TBC1D1: variants seen among roughly 807,000 people sequenced by gnomAD.
TBC1D1 encodes the protein TBC1 domain family member 1.
A neutral mutation model predicts 125.6 loss-of-function variants in TBC1D1; 89 were observed. The ratio of observed to expected loss-of-function variants is 0.71; its 90% CI spans 0.60 to 0.85. The LOEUF (loss-of-function observed/expected upper bound fraction) is 0.85, where lower values mean the gene tolerates loss of function less well. Ranked by LOEUF, TBC1D1 falls within the 40% of genes least tolerant of loss-of-function variation. The probability of loss-of-function intolerance (pLI) is 0.00; values close to 1 mark genes in which losing one functional copy is unlikely to be tolerated. For synonymous variants in TBC1D1, 565 were observed against 564.1 expected (o/e 1.00, Z -0.02); for missense variants, 1,377 against 1,469.2 (o/e 0.94, Z 1.03).
In TBC1D1 at chr4:38,133,356, G is replaced by A. The variant is rs1765928348; in HGVS notation, c.3306+99G>A. 4 of 1,109,484 alleles carry A rather than the reference G, an allele frequency of 3.6e-6. No homozygotes were observed. In the Admixed American group the frequency reaches 6.8e-5, roughly 19 times the overall value. 68.7% of individuals were successfully genotyped at this position (1,109,484 alleles called of 1,614,324 possible). On this transcript the variant is annotated intron_variant, in intron 19 of 19. Transcript: ENST00000261439. The stretch of plus-strand genomic sequence containing the variant: ...CAGGCTGGGCTTTCCCATGACCAGA[G>A]GACCTTTCCCACCCTGATCTGTTTA...
At chr4:37,997,168 T>C (rs1737983721) in intron 2 of TBC1D1, among the ~76,000 whole-genome samples, 1 of 152,260 alleles carries the variant, frequency 6.6e-6, no homozygotes, top group African/African-American at 2.4e-5. Context: ...AAACTCAAGC[T>C]TGAACCATTA....
chr4:37,997,985 A>AT (rs1232226030), intron 2 of TBC1D1, among the ~76,000 whole-genome samples: 3 of 151,818 alleles, frequency 2.0e-5, no homozygotes, highest in South Asian at 2.1e-4. Flanking sequence ...GGATTTCTGG[A>AT]TTTTTTTTGG....
At chr4:38,107,299 T>C (rs529657173) in intron 15 of TBC1D1, among the ~76,000 whole-genome samples, 1 of 152,278 alleles carries the variant, frequency 6.6e-6, no homozygotes, top group South Asian at 2.1e-4. Flanking sequence ...ACTCCACCTG[T>C]TACCTCCCCC....
intron 2 of TBC1D1, among the ~76,000 whole-genome samples, chr4:37,974,987 G>A (rs1253265371): frequency 6.6e-6 from 1 of 152,228 alleles, no homozygotes; most frequent in African/African-American, 2.4e-5. Flanking sequence ...TTCCCCGTGT[G>A]CAGAGACGAG....
intron 2 of TBC1D1, among the ~76,000 whole-genome samples, chr4:37,970,399 C>A (rs768660536): frequency 2.0e-5 from 3 of 152,192 alleles, no homozygotes; most frequent in Non-Finnish European, 2.9e-5. Context: ...GCTCTGATTT[C>A]TGTCCTATCT....
Position 38,103,128 on chromosome 4 carries a change from C to T in TBC1D1, c.2528C>T (p.Ser843Phe), listed in dbSNP as rs1294218277. Residue 843 changes from serine (S) to phenylalanine (F), a missense_variant, in exon 15 of 20, where the codon TCC becomes TTC. By Grantham distance (155) the Ser-to-Phe change is radical. Coordinates refer to ENST00000261439, the MANE Select transcript of TBC1D1 (RefSeq NM_015173.4). ...AAAGAACTCTTAAAGCAGCTGACTT[C>T]CCAGCAGCATGCGATTCTTATTGAC... The T allele has an allele frequency of 6.2e-7, 1 of 1,612,998 alleles. No homozygotes were observed. Among genetic ancestry groups the T allele is most frequent in the Admixed American group, 1.7e-5 (1 of 59,800 alleles).
At chr4:37,986,526 A>G (rs1032917930) in intron 2 of TBC1D1, among the ~76,000 whole-genome samples, 8 of 151,770 alleles carry the variant, frequency 5.3e-5, no homozygotes, top group African/African-American at 1.5e-4. Context: ...GCTCACTGCA[A>G]CCTCTGCCTT....
chr4:38,123,940 T>G (rs1027611313), intron 17 of TBC1D1, among the ~76,000 whole-genome samples: 1 of 152,218 alleles, frequency 6.6e-6, no homozygotes, highest in Admixed American at 6.5e-5. Flanking sequence ...TGTTATCATA[T>G]TAACCATCTA....
chr4:38,030,661 GAA>G (rs1402887587), intron 7 of TBC1D1, among the ~76,000 whole-genome samples: 1 of 152,196 alleles, frequency 6.6e-6, no homozygotes, highest in Non-Finnish European at 1.5e-5. Flanking sequence ...AGGTTGTAAG[GAA>G]AAAGGTGGCT....
At chr4:38,081,747 T>C (rs1756604853) in intron 12 of TBC1D1, among the ~76,000 whole-genome samples, 1 of 152,138 alleles carries the variant, frequency 6.6e-6, no homozygotes, top group Non-Finnish European at 1.5e-5. Flanking sequence ...GTGGATGCTA[T>C]TATTATCGGT....
chr4:38,052,712 ACG>A (rs58267781), intron 11 of TBC1D1, among the ~76,000 whole-genome samples: 31,455 of 125,274 alleles, frequency 0.25, 3,849 homozygotes, highest in East Asian at 0.49. Context: ...ATACACACAC[ACG>A]CGCGCGCGCG....
chr4:37,947,155 T>G (rs958875715), intron 2 of TBC1D1, among the ~76,000 whole-genome samples: 2 of 152,134 alleles, frequency 1.3e-5, no homozygotes, highest in East Asian at 1.9e-4. Context: ...ATTCATTTAT[T>G]TATGTGTTTA....
intron 2 of TBC1D1, among the ~76,000 whole-genome samples, chr4:37,972,026 G>A (rs1212469001): frequency 2.0e-5 from 3 of 152,156 alleles, no homozygotes; most frequent in African/African-American, 7.2e-5. Context: ...CCAATCATCT[G>A]AGACCCTCTA....
intron 17 of TBC1D1, among the ~76,000 whole-genome samples, chr4:38,124,474 C>G (rs1764330661): frequency 6.6e-6 from 1 of 152,152 alleles, no homozygotes; most frequent in Non-Finnish European, 1.5e-5. Flanking sequence ...TTGTATTTAA[C>G]AAAGTACTTC....
intron 15 of TBC1D1, chr4:38,110,100 C>A: frequency 1.7e-6 from 1 of 585,690 alleles, no homozygotes; most frequent in Non-Finnish European, 2.1e-6. Context: ...GTGTTTGCTG[C>A]AAGAGACCTC....
intron 2 of TBC1D1, among the ~76,000 whole-genome samples, chr4:37,959,090 C>T (rs754305400): frequency 6.6e-6 from 1 of 152,190 alleles, no homozygotes; most frequent in Admixed American, 6.5e-5. Flanking sequence ...TCTAATGATA[C>T]CTTTGAATGG....
rs1356251506 is a variant in TBC1D1, at chr4:38,089,546, G to T, written c.2051-386G>T. 3.9e-5 allele frequency among the ~76,000 whole-genome samples: 6 copies of T among 152,170 alleles called. No individual in the cohort carries two copies. In the East Asian group the frequency reaches 1.2e-3, roughly 29 times the overall value. On this transcript the variant is annotated intron_variant, in intron 12 of 19. Transcript: ENST00000261439. ...ATAGTTATCATACCCATGTCTTAGAGTTTTGTGAGTGTAAATTATTGTATA... is the reference window on the plus strand; with the variant it reads ...ATAGTTATCATACCCATGTCTTAGATTTTTGTGAGTGTAAATTATTGTATA...
At chr4:38,073,863 C>A (rs1008050864) in intron 12 of TBC1D1, among the ~76,000 whole-genome samples, 2 of 152,162 alleles carry the variant, frequency 1.3e-5, no homozygotes, top group Admixed American at 1.3e-4. Flanking sequence ...AAAGAGCCTC[C>A]TCCATGAATG....
At chr4:38,076,664 A>G (rs1755644266) in intron 12 of TBC1D1, among the ~76,000 whole-genome samples, 1 of 152,238 alleles carries the variant, frequency 6.6e-6, no homozygotes, top group Admixed American at 6.5e-5. Flanking sequence ...GAGAGAAGAT[A>G]TGAAAATATC....
Sources: allele counts gnomAD v4.1 joint callset (sites outside exome capture counted in the v4.1 genomes callset), GRCh38; gene constraint gnomAD v4.1.1; transcripts MANE v1.5; gene names NCBI Gene and HGNC (gene_info 2026-07-23, HGNC 2026-07-21).